Variants in CDK19 observed in about 807,000 individuals in gnomAD.
The protein encoded by CDK19 is cyclin dependent kinase 19.
Under a neutral mutation model 68.3 loss-of-function variants are expected in CDK19, and 20 were observed. The observed-to-expected ratio is 0.29, with a 90% CI of 0.21 to 0.43. The LOEUF is 0.43. Ranked by LOEUF, CDK19 falls within the 20% of genes least tolerant of loss-of-function variation. CDK19 has a pLI of 1.00. For missense variants in CDK19, 339 were observed against 623.5 expected, an observed-to-expected ratio of 0.54 and a Z score of 4.86; for synonymous variants, 221 against 222.8, an observed-to-expected ratio of 0.99 and a Z score of 0.07.
chr6:110,754,750 G>C (rs964511806), intron 1 of CDK19, among the ~76,000 whole-genome samples: 1 of 152,158 alleles, frequency 6.6e-6, no homozygotes, highest in Non-Finnish European at 1.5e-5. Context: ...AAAGTGCTGG[G>C]ATTACAGGCG....
chr6:110,632,328 A>G (rs1361741533), intron 5 of CDK19, among the ~76,000 whole-genome samples, 167 bp from the exon 6 acceptor site: 2 of 152,212 alleles, frequency 1.3e-5, no homozygotes, highest in Admixed American at 6.5e-5. Context: ...TTTTAACCAG[A>G]GGTCTACACC....
intron 1 of CDK19, among the ~76,000 whole-genome samples, chr6:110,801,232 A>T (rs1317227277): frequency 2.0e-5 from 3 of 152,108 alleles, no homozygotes. Flanking sequence ...ACCTGTAATC[A>T]GCAGCACTTT....
chr6:110,751,139 C>T (rs566679616), intron 1 of CDK19, among the ~76,000 whole-genome samples: 150 of 152,290 alleles, frequency 9.8e-4, no homozygotes, highest in African/African-American at 3.5e-3. Flanking sequence ...CAGCCCAATA[C>T]TTCTCTTTCA....
chr6:110,805,568 T>C (rs1782623781), intron 1 of CDK19, among the ~76,000 whole-genome samples: 1 of 152,154 alleles, frequency 6.6e-6, no homozygotes, highest in Non-Finnish European at 1.5e-5. Context: ...GGTCCTGCAG[T>C]TGGCCCTGGA....
intron 2 of CDK19, among the ~76,000 whole-genome samples, chr6:110,729,730 C>T (rs1776610189): frequency 6.6e-6 from 1 of 151,798 alleles, no homozygotes; most frequent in Admixed American, 6.6e-5. Flanking sequence ...GCCACCACGC[C>T]TAGACTTTAT....
chr6:110,772,361 G>A (rs1324455064), intron 1 of CDK19, among the ~76,000 whole-genome samples: 1 of 152,088 alleles, frequency 6.6e-6, no homozygotes, highest in Non-Finnish European at 1.5e-5. Context: ...CATGAGAGCA[G>A]TAGGGGGGAA....
intron 2 of CDK19, among the ~76,000 whole-genome samples, chr6:110,718,425 A>G (rs1488905001): frequency 6.6e-6 from 1 of 152,114 alleles, no homozygotes; most frequent in Non-Finnish European, 1.5e-5. Context: ...GGAAAACTCT[A>G]TCAACTGGCC....
intron 12 of CDK19, among the ~76,000 whole-genome samples, chr6:110,617,660 TATACACAC>T (rs1351493000): frequency 6.0e-5 from 4 of 66,834 alleles, no homozygotes; most frequent in Non-Finnish European, 1.1e-4. Flanking sequence ...TTTATATATA[TATACACAC>T]ACACACACAC....
intron 1 of CDK19, among the ~76,000 whole-genome samples, chr6:110,772,501 A>G (rs1780090608): frequency 6.6e-6 from 1 of 152,168 alleles, no homozygotes; most frequent in African/African-American, 2.4e-5. Flanking sequence ...CTTACTTGGT[A>G]TCTAAACAAC....
intron 1 of CDK19, among the ~76,000 whole-genome samples, chr6:110,776,630 T>C (rs747606652): frequency 6.6e-6 from 1 of 152,182 alleles, no homozygotes; most frequent in Non-Finnish European, 1.5e-5. Context: ...TTTAGCAATA[T>C]GCCCAGCCTC....
At chr6:110,772,304 G>A (rs535232011) in intron 1 of CDK19, among the ~76,000 whole-genome samples, 8 of 152,072 alleles carry the variant, frequency 5.3e-5, no homozygotes, top group South Asian at 2.1e-4. Context: ...ATCCAAAAAC[G>A]GAAACCCCTG....
At chr6:110,751,248 C>T (rs372773526) in intron 1 of CDK19, among the ~76,000 whole-genome samples, 14 of 152,210 alleles carry the variant, frequency 9.2e-5, no homozygotes, top group Admixed American at 5.2e-4. Context: ...GAGTGGTGGG[C>T]GAGCAAGCAA....
At chr6:110,721,317 A>G (rs1352409237) in intron 2 of CDK19, among the ~76,000 whole-genome samples, 1 of 152,106 alleles carries the variant, frequency 6.6e-6, no homozygotes, top group Non-Finnish European at 1.5e-5. Flanking sequence ...AAAGTCAACA[A>G]TTCTAGAGGA....
At chr6:110,771,174 C>T (rs1280199515) in intron 1 of CDK19, among the ~76,000 whole-genome samples, 2 of 152,208 alleles carry the variant, frequency 1.3e-5, no homozygotes, top group Admixed American at 1.3e-4. Flanking sequence ...TGTGGGGGCT[C>T]CAACCCCACA....
chr6:110,691,190 C>T (rs1032371770), intron 2 of CDK19, among the ~76,000 whole-genome samples: 2 of 152,004 alleles, frequency 1.3e-5, no homozygotes, highest in East Asian at 3.9e-4. Flanking sequence ...AAAGAAAACC[C>T]GAGGCCAGAT....
At chr6:110,802,765 G>A (rs1583138096) in intron 1 of CDK19, among the ~76,000 whole-genome samples, 2 of 152,140 alleles carry the variant, frequency 1.3e-5, no homozygotes, top group East Asian at 3.8e-4. Flanking sequence ...AGAAATTTAA[G>A]TTTATAATTT....
intron 2 of CDK19, among the ~76,000 whole-genome samples, chr6:110,735,497 T>C (rs1256395357): frequency 6.6e-6 from 1 of 152,188 alleles, no homozygotes; most frequent in Non-Finnish European, 1.5e-5. Flanking sequence ...AACTCTGAGC[T>C]AAATTTCATG....
intron 1 of CDK19, among the ~76,000 whole-genome samples, chr6:110,799,710 AC>A (rs1463297186): frequency 2.6e-5 from 4 of 151,744 alleles, no homozygotes; most frequent in African/African-American, 9.7e-5. Flanking sequence ...TGATCTTCCC[AC>A]CTCAGCCCCC....
At chr6:110,799,525 T>G (rs979477673) in intron 1 of CDK19, among the ~76,000 whole-genome samples, 1 of 152,230 alleles carries the variant, frequency 6.6e-6, no homozygotes, top group African/African-American at 2.4e-5. Context: ...CTTATAATAC[T>G]TAATACAATG....
Sources: gnomAD v4.1 joint callset for allele counts (sites outside exome capture counted in the v4.1 genomes callset) on GRCh38, gnomAD v4.1.1 for gene constraint, MANE v1.5 for transcripts, NCBI Gene and HGNC (gene_info 2026-07-23, HGNC 2026-07-21) for gene names.